Variants in RNF180 observed in about 807,000 individuals in gnomAD.
RNF180 encodes the protein ring finger protein 180.
RNF180 carries 38 observed loss-of-function variants against 59.2 expected under a neutral mutation model. The ratio of observed to expected loss-of-function variants is 0.64; its 90% CI spans 0.50 to 0.84. The LOEUF (loss-of-function observed/expected upper bound fraction) is 0.84. Among genes scored for constraint, RNF180 ranks in the 40% least tolerant of loss-of-function variants. RNF180 has a pLI of 0.00. For missense variants in RNF180, 705 were observed against 700.9 expected, an observed-to-expected ratio of 1.01 and a Z score of -0.07; for synonymous variants, 262 against 240.3, an observed-to-expected ratio of 1.09 and a Z score of -0.84.
At chr5:64,324,456 A>G (rs1366867733) in intron 5 of RNF180, among the ~76,000 whole-genome samples, 1 of 152,078 alleles carries the variant, frequency 6.6e-6, no homozygotes, top group Non-Finnish European at 1.5e-5. Context: ...ACAGACAGAA[A>G]CTCCACACAG....
At chr5:64,265,752 A>G (rs1413587004) in intron 5 of RNF180, among the ~76,000 whole-genome samples, 1 of 152,120 alleles carries the variant, frequency 6.6e-6, no homozygotes, top group Non-Finnish European at 1.5e-5. Context: ...GTTTTTTCTA[A>G]TTCTGTGAAA....
At position 64,214,202 on chromosome 5, in the gene RNF180, G is replaced by A; in HGVS notation, c.876G>A (p.Leu292=). 6.2e-7 allele frequency: 1 copy of A among 1,614,036 alleles called. No homozygotes were observed. The highest frequency in any genetic ancestry group is 8.5e-7 in the Non-Finnish European group (1 of 1,179,986). The change falls in exon 4 of 8, where the codon CTG becomes CTA. Residue 292 remains leucine (L), a synonymous_variant. Transcript: ENST00000389100. The part of the protein sequence containing the change: ...NPSSFDPSML[L]QRFSVAPHET... Reference sequence around the variant, plus strand: ...CCAGTTTTGATCCTAGTATGCTGCTGCAAAGATTTTCAGTGGCCCCCCATG... The same window carrying A: ...CCAGTTTTGATCCTAGTATGCTGCTACAAAGATTTTCAGTGGCCCCCCATG...
At chr5:64,301,214 A>T (rs1259728169) in intron 5 of RNF180, among the ~76,000 whole-genome samples, 1 of 151,814 alleles carries the variant, frequency 6.6e-6, no homozygotes, top group African/African-American at 2.4e-5. Context: ...ATGGTAAATG[A>T]ACAAACCCAA....
intron 7 of RNF180, among the ~76,000 whole-genome samples, chr5:64,369,131 T>C (rs1268439448): frequency 6.6e-6 from 1 of 151,952 alleles, no homozygotes; most frequent in Non-Finnish European, 1.5e-5. Context: ...TATGCAGCCA[T>C]AAAAAATGAT....
At chr5:64,282,121 T>A (rs776130461) in intron 5 of RNF180, among the ~76,000 whole-genome samples, 8 of 152,142 alleles carry the variant, frequency 5.3e-5, no homozygotes, top group Non-Finnish European at 8.8e-5. Flanking sequence ...TCATTAGTAA[T>A]GGTACCAGCT....
chr5:64,350,925 G>GT (rs1434657869), intron 7 of RNF180, among the ~76,000 whole-genome samples: 15 of 152,182 alleles, frequency 9.9e-5, no homozygotes, highest in Admixed American at 2.0e-4. Context: ...CTTTAAAGTA[G>GT]TTTTTTCCAA....
At chr5:64,184,652 G>C (rs1007274383) in intron 1 of RNF180, among the ~76,000 whole-genome samples, 7 of 152,078 alleles carry the variant, frequency 4.6e-5, no homozygotes, top group Non-Finnish European at 1.0e-4. Context: ...CAGGTTTGGG[G>C]ATTTGAATTT....
chr5:64,273,521 G>T (rs1000433132), intron 5 of RNF180, among the ~76,000 whole-genome samples: 6 of 151,898 alleles, frequency 4.0e-5, no homozygotes, highest in African/African-American at 9.7e-5. Flanking sequence ...TGAGCAAGGA[G>T]TTAGGAGAAA....
chr5:64,300,182 T>C (rs2112451497), intron 5 of RNF180, among the ~76,000 whole-genome samples: 1 of 151,538 alleles, frequency 6.6e-6, no homozygotes, highest in South Asian at 2.1e-4. Context: ...CTCGACCTAA[T>C]AGGAAAAGAA....
chr5:64,315,612 T>G (rs1743996808), intron 5 of RNF180, among the ~76,000 whole-genome samples: 1 of 150,754 alleles, frequency 6.6e-6, no homozygotes, highest in African/African-American at 2.5e-5. Context: ...GGCATAGTGG[T>G]GCATGCCTGT....
intron 5 of RNF180, 159 bp downstream of exon 5, chr5:64,217,555 TAGAC>T: frequency 8.8e-7 from 1 of 1,138,602 alleles, no homozygotes. Flanking sequence ...TTCAAATACA[TAGAC>T]AGTTGTATCA....
intron 2 of RNF180, among the ~76,000 whole-genome samples, chr5:64,204,605 A>AT (rs796771632): frequency 2.1e-4 from 32 of 151,836 alleles, no homozygotes; most frequent in African/African-American, 7.0e-4. Context: ...TATTGCAACT[A>AT]TTTTTTTCCC....
intron 5 of RNF180, among the ~76,000 whole-genome samples, chr5:64,311,814 G>T (rs1482341825): frequency 6.6e-6 from 1 of 151,860 alleles, no homozygotes; most frequent in Admixed American, 6.6e-5. Context: ...ATAACCATGT[G>T]CTCTGATTAG....
At position 64,292,769 on chromosome 5, in the gene RNF180, C is replaced by G. The variant is rs1037718866; in HGVS notation, c.1228-32417C>G. Among the ~76,000 whole-genome samples, 7 of 152,218 alleles carry G rather than the reference C, an allele frequency of 4.6e-5. No homozygotes were observed. The South Asian group carries it at 1.4e-3, about 32-fold the overall frequency. ...CACAGAGATATCAGCAGCCCCTCCC[C>G]CATGGGGCTTCATTCCATAGGGAGA... On this transcript the variant is annotated intron_variant, in intron 5 of 7. Coordinates refer to ENST00000389100, the MANE Select transcript of RNF180 (RefSeq NM_001113561.2).
At chr5:64,334,140 C>T (rs1478644273) in intron 7 of RNF180, among the ~76,000 whole-genome samples, 8 of 152,144 alleles carry the variant, frequency 5.3e-5, no homozygotes, top group Admixed American at 2.0e-4. Flanking sequence ...ACCCTGAGGT[C>T]AGGAGGATTG....
chr5:64,293,170 AG>A (rs1742698900), intron 5 of RNF180, among the ~76,000 whole-genome samples: 1 of 152,210 alleles, frequency 6.6e-6, no homozygotes, highest in Non-Finnish European at 1.5e-5. Context: ...GTGGTTTCCC[AG>A]GTGGGTTCAC....
intron 5 of RNF180, among the ~76,000 whole-genome samples, chr5:64,234,856 C>G (rs958849734): frequency 4.6e-5 from 7 of 151,966 alleles, no homozygotes; most frequent in Admixed American, 1.3e-4. Flanking sequence ...TCCTTGGCCT[C>G]CCGAGGCGCT....
chr5:64,269,509 G>C (rs1273029352), intron 5 of RNF180, among the ~76,000 whole-genome samples: 2 of 151,996 alleles, frequency 1.3e-5, no homozygotes, highest in Non-Finnish European at 2.9e-5. Flanking sequence ...TGGCATCCCT[G>C]TGTGCCCAAG....
intron 1 of RNF180, among the ~76,000 whole-genome samples, chr5:64,173,178 GA>G (rs772887585): frequency 2.0e-5 from 3 of 152,082 alleles, no homozygotes; most frequent in Non-Finnish European, 4.4e-5. Context: ...TTCTTTTACA[GA>G]GACAAATTTT....
Sources: allele counts gnomAD v4.1 joint callset (sites outside exome capture counted in the v4.1 genomes callset), GRCh38; gene constraint gnomAD v4.1.1; transcripts MANE v1.5; gene names NCBI Gene and HGNC (gene_info 2026-07-23, HGNC 2026-07-21).